The following ZFPM2 variants were observed in gnomAD, a reference collection of about 807,000 sequenced individuals.
The protein encoded by ZFPM2 is zinc finger protein ZFPM2.
A neutral mutation model predicts 98.6 loss-of-function variants in ZFPM2; 20 were observed. The observed-to-expected ratio is 0.20, with a 90% CI of 0.14 to 0.29. ZFPM2 has a LOEUF of 0.29. ZFPM2 is among the 10% of genes least tolerant of loss of function. The pLI is 1.00. For synonymous variants in ZFPM2, 518 were observed against 502.7 expected, an observed-to-expected ratio of 1.03 and a Z score of -0.41; for missense variants, 1,310 against 1,388.6, an observed-to-expected ratio of 0.94 and a Z score of 0.90.
intron 1 of ZFPM2, among the ~76,000 whole-genome samples, chr8:105,414,154 G>A (rs747515335): frequency 2.1e-4 from 32 of 151,956 alleles, no homozygotes; most frequent in Non-Finnish European, 3.5e-4. Context: ...TAATGACAGA[G>A]TGTCTTGTTT....
chr8:105,585,160 GT>G, intron 4 of ZFPM2, among the ~76,000 whole-genome samples: 1 of 152,088 alleles, frequency 6.6e-6, no homozygotes, highest in East Asian at 1.9e-4. Context: ...AGAAAATACA[GT>G]TTTTAAAAAG....
chr8:105,687,528 A>C (rs2130931335), intron 5 of ZFPM2, among the ~76,000 whole-genome samples: 1 of 152,300 alleles, frequency 6.6e-6, no homozygotes, highest in Non-Finnish European at 1.5e-5. Context: ...GAAGATGTAA[A>C]CTGTATAAAT....
intron 4 of ZFPM2, among the ~76,000 whole-genome samples, chr8:105,570,900 G>T (rs966266742): frequency 2.6e-5 from 4 of 152,142 alleles, no homozygotes; most frequent in African/African-American, 4.8e-5. Context: ...CTTTTAAAAA[G>T]AATTATTTTT....
chr8:105,319,080 A>G, intron 1 of ZFPM2, 99 bp downstream of exon 1: 2 of 1,342,994 alleles, frequency 1.5e-6, no homozygotes, highest in South Asian at 1.6e-5. Flanking sequence ...GCTAGGGGAG[A>G]TCCGCTCCCG....
chr8:105,334,584 T>G (rs1812292844), intron 1 of ZFPM2, among the ~76,000 whole-genome samples: 1 of 151,586 alleles, frequency 6.6e-6, no homozygotes, highest in Non-Finnish European at 1.5e-5. Flanking sequence ...GATAGTTTGG[T>G]TTTAGATAAA....
chr8:105,611,904 G>T (rs1050245168), intron 4 of ZFPM2, among the ~76,000 whole-genome samples: 4 of 151,780 alleles, frequency 2.6e-5, no homozygotes, highest in African/African-American at 9.7e-5. Context: ...TACCATGTTG[G>T]CCAGGCTGGT....
chr8:105,455,431 G>GTGACTGGAGCT (rs1257760207), intron 3 of ZFPM2, among the ~76,000 whole-genome samples: 2 of 152,166 alleles, frequency 1.3e-5, no homozygotes, highest in Non-Finnish European at 2.9e-5. Context: ...CAAGGCCATT[G>GTGACTGGAGCT]TGACTGGAGC....
intron 5 of ZFPM2, among the ~76,000 whole-genome samples, chr8:105,646,153 G>C (rs1268876282): frequency 6.6e-6 from 1 of 151,972 alleles, no homozygotes; most frequent in African/African-American, 2.4e-5. Context: ...TAATAATGGT[G>C]GCATTAGCAT....
chr8:105,371,714 A>C (rs1317666749), intron 1 of ZFPM2, among the ~76,000 whole-genome samples: 1 of 152,146 alleles, frequency 6.6e-6, no homozygotes, highest in Admixed American at 6.5e-5. Context: ...CTATCAGAGA[A>C]AGGTGATACC....
chr8:105,482,564 C>T (rs76929244), intron 3 of ZFPM2, among the ~76,000 whole-genome samples: 2,898 of 152,068 alleles, frequency 0.019, 92 homozygotes, highest in African/African-American at 0.066. Flanking sequence ...TCCCCTCTAC[C>T]AACTTAGCAG....
intron 5 of ZFPM2, among the ~76,000 whole-genome samples, chr8:105,680,119 T>C (rs900304408): frequency 1.2e-3 from 177 of 152,308 alleles, no homozygotes; most frequent in African/African-American, 4.0e-3. Flanking sequence ...AAAATATTTG[T>C]CAAGAAGCTA....
At chr8:105,690,485 C>T (rs570778510) in intron 5 of ZFPM2, among the ~76,000 whole-genome samples, 23 of 152,248 alleles carry the variant, frequency 1.5e-4, no homozygotes, top group Admixed American at 4.6e-4. Context: ...CACAAGCTTC[C>T]GCACCAGGGA....
chr8:105,711,640 C>G (rs1199573549), intron 5 of ZFPM2, among the ~76,000 whole-genome samples: 1 of 151,900 alleles, frequency 6.6e-6, no homozygotes, highest in Admixed American at 6.6e-5. Context: ...GAAATAAGTT[C>G]GAGTCTCAGC....
intron 5 of ZFPM2, among the ~76,000 whole-genome samples, chr8:105,761,096 T>TATC (rs1812726028): frequency 6.6e-6 from 1 of 152,040 alleles, no homozygotes; most frequent in African/African-American, 2.4e-5. Context: ...TGAGTCATGT[T>TATC]ATCTCAGTCT....
chr8:105,359,088 CTTGGTGGGAGATCA>C (rs572011936), intron 1 of ZFPM2, among the ~76,000 whole-genome samples: 67 of 152,210 alleles, frequency 4.4e-4, no homozygotes, highest in African/African-American at 1.5e-3. Context: ...AGGGGAGAAA[CTTGGTGGGAGATCA>C]TTGGATCATG....
chr8:105,681,480 A>G (rs542123285), intron 5 of ZFPM2, among the ~76,000 whole-genome samples: 3 of 152,352 alleles, frequency 2.0e-5, no homozygotes, highest in African/African-American at 7.2e-5. Flanking sequence ...GTAGATTATA[A>G]GTAGCACTGT....
At chr8:105,322,919 G>A (rs1812054272) in intron 1 of ZFPM2, among the ~76,000 whole-genome samples, 1 of 151,758 alleles carries the variant, frequency 6.6e-6, no homozygotes, top group South Asian at 2.1e-4. Flanking sequence ...TTGCGCATTG[G>A]CATTTTAATG....
At chr8:105,496,982 CAAAAAAAAAAAAAA>C (rs1207276670) in intron 3 of ZFPM2, among the ~76,000 whole-genome samples, 54 of 31,508 alleles carry the variant, frequency 1.7e-3, no homozygotes, top group African/African-American at 4.8e-3. Context: ...AACTCCGTCT[CAAAAAAAAAAAAAA>C]AAAAAAAAGA....
chr8:105,362,430 A>T (rs1810423426), intron 1 of ZFPM2, among the ~76,000 whole-genome samples: 1 of 152,122 alleles, frequency 6.6e-6, no homozygotes, highest in African/African-American at 2.4e-5. Context: ...CTGAAAAGTT[A>T]TAATGCCCTA....
Sources: gnomAD v4.1 joint callset for allele counts (sites outside exome capture counted in the v4.1 genomes callset) on GRCh38, gnomAD v4.1.1 for gene constraint, MANE v1.5 for transcripts, NCBI Gene and HGNC (gene_info 2026-07-23, HGNC 2026-07-21) for gene names.